Variants in DLG1 observed in about 807,000 individuals in gnomAD.
The protein encoded by DLG1 is discs large MAGUK scaffold protein 1, also known as disks large homolog 1.
Under a neutral mutation model 123.4 loss-of-function variants are expected in DLG1, and 42 were observed. That is an observed-to-expected ratio of 0.34 (90% confidence interval 0.27 to 0.44). DLG1 has a LOEUF of 0.44. Among genes scored for constraint, DLG1 ranks in the 20% least tolerant of loss-of-function variants. DLG1 has a pLI of 1.00. For missense variants in DLG1, 942 were observed against 1,082.6 expected (o/e 0.87, Z 1.82); for synonymous variants, 317 against 356.2 (o/e 0.89, Z 1.24).
chr3:197,126,029 T>C lies in DLG1; in HGVS notation c.1165+4498A>G, dbSNP rs186346638. Among the ~76,000 whole-genome samples, 140 of 152,314 alleles carry C rather than the reference T, an allele frequency of 9.2e-4. 1 individual carries two copies. Among genetic ancestry groups the C allele is most frequent in the African/African-American group, 3.0e-3 (126 of 41,576 alleles). On this transcript the variant is annotated intron_variant, in intron 11 of 24. Coordinates refer to ENST00000667157, the MANE Select transcript of DLG1 (RefSeq NM_001366207.1). ...AAAACACAAACAGATTGTTTATGAA[T>C]TGCATATGCAGAAGTGTACAACGAA...
chr3:197,138,458 C>T (rs528759745), intron 8 of DLG1, 67 bp from the exon 9 acceptor site: 8 of 893,238 alleles, frequency 9.0e-6, no homozygotes, highest in Non-Finnish European at 1.0e-5. Context: ...TTCCACTTTA[C>T]CAATTTTTTG....
intron 4 of DLG1, among the ~76,000 whole-genome samples, chr3:197,261,672 T>A (rs1185813276): frequency 6.6e-6 from 1 of 152,196 alleles, no homozygotes; most frequent in Non-Finnish European, 1.5e-5. Flanking sequence ...AAACCACATT[T>A]CACTGTTAAG....
chr3:197,135,358 TAGTG>T (rs1239516790), intron 10 of DLG1, among the ~76,000 whole-genome samples: 2 of 152,142 alleles, frequency 1.3e-5, no homozygotes, highest in Admixed American at 6.6e-5. Flanking sequence ...GTTCTCTTGA[TAGTG>T]AGTGAGTCTC....
intron 17 of DLG1, among the ~76,000 whole-genome samples, chr3:197,076,944 A>C (rs965069926): frequency 1.3e-5 from 2 of 152,214 alleles, no homozygotes; most frequent in African/African-American, 4.8e-5. Context: ...AAAAAAAGGC[A>C]AATCAGTTAC....
chr3:197,212,331 G>GGCCCTAATTGTGGCTGGAA (rs1731676103), intron 4 of DLG1, among the ~76,000 whole-genome samples: 1 of 116,196 alleles, frequency 8.6e-6, no homozygotes, highest in Non-Finnish European at 2.1e-5. Flanking sequence ...TTATGCTGGA[G>GGCCCTAATTGTGGCTGGAA]GCCCTAATTG....
At position 197,289,337 on chromosome 3, in the gene DLG1, C is replaced by T. The variant is rs1022649985; in HGVS notation, c.152-6492G>A. ...AGGTGGGGGGTGGCGTGTATACACG[C>T]GCATACACACACACACACACACACA... On this transcript the variant is annotated intron_variant, in intron 3 of 24. Transcript: ENST00000667157. Among the ~76,000 whole-genome samples the T allele has an allele frequency of 7.9e-5, 9 of 114,046 alleles. No individual in the cohort carries two copies. The South Asian group carries it at 1.2e-3, about 16-fold the overall frequency. The allele number at this position is 114,046 out of a possible 152,430, so 74.8% of individuals were successfully genotyped here.
chr3:197,204,501 T>G (rs149503073), intron 4 of DLG1, among the ~76,000 whole-genome samples: 5 of 152,190 alleles, frequency 3.3e-5, no homozygotes, highest in Non-Finnish European at 7.3e-5. Flanking sequence ...AAATTAGCTA[T>G]TATATACATT....
At chr3:197,126,732 C>T (rs1779332996) in intron 11 of DLG1, among the ~76,000 whole-genome samples, 1 of 152,124 alleles carries the variant, frequency 6.6e-6, no homozygotes, top group Non-Finnish European at 1.5e-5. Flanking sequence ...CCCTGTACAT[C>T]AGACAGGTTA....
chr3:197,100,408 A>C (rs932730969), intron 14 of DLG1, among the ~76,000 whole-genome samples: 2 of 152,216 alleles, frequency 1.3e-5, no homozygotes, highest in Non-Finnish European at 2.9e-5. Flanking sequence ...TTATGCCACC[A>C]AACAGTTTTT....
intron 4 of DLG1, among the ~76,000 whole-genome samples, chr3:197,271,730 T>G (rs1330400067): frequency 6.6e-6 from 1 of 152,238 alleles, no homozygotes; most frequent in Non-Finnish European, 1.5e-5. Flanking sequence ...TCAGATGTGG[T>G]AATGGTACTA....
At position 197,288,902 on chromosome 3, in the gene DLG1, C is replaced by T. The variant is rs148868053; in HGVS notation, c.152-6057G>A. ...CAAATACAACTGCAGTATATCTCCC[C>T]TGCAAAAAAGGGCAACTCTGTCTAC... On this transcript the variant is annotated intron_variant, in intron 3 of 24. Coordinates refer to ENST00000667157, the MANE Select transcript of DLG1 (RefSeq NM_001366207.1). Among the ~76,000 whole-genome samples, 149 of 152,076 alleles carry T rather than the reference C, an allele frequency of 9.8e-4. No individual in the cohort carries two copies. In the East Asian group the frequency reaches 0.022, roughly 23 times the overall value.
At chr3:197,075,031 TAA>T (rs1250596127) in intron 18 of DLG1, among the ~76,000 whole-genome samples, 1 of 152,042 alleles carries the variant, frequency 6.6e-6, no homozygotes, top group Non-Finnish European at 1.5e-5. Context: ...CACTGTCACC[TAA>T]AGTTACTCAG....
At chr3:197,065,629 G>A (rs1738984367) in intron 21 of DLG1, 79 bp downstream of exon 21, 1 of 1,104,354 alleles carries the variant, frequency 9.1e-7, no homozygotes, top group Non-Finnish European at 1.3e-6. Flanking sequence ...ATTAAAAAAT[G>A]GTTATATCTA....
intron 6 of DLG1, among the ~76,000 whole-genome samples, chr3:197,146,539 TAA>T (rs904694997): frequency 3.3e-5 from 5 of 151,794 alleles, no homozygotes; most frequent in African/African-American, 1.2e-4. Flanking sequence ...AACAAAAACA[TAA>T]AGTGGGGAAA....
At chr3:197,272,971 T>C (rs1347502016) in intron 4 of DLG1, among the ~76,000 whole-genome samples, 6 of 152,204 alleles carry the variant, frequency 3.9e-5, no homozygotes, top group Non-Finnish European at 7.4e-5. Context: ...TTTGATATTT[T>C]CATAGACTTG....
At chr3:197,201,105 C>T (rs1012735203) in intron 4 of DLG1, among the ~76,000 whole-genome samples, 2 of 152,164 alleles carry the variant, frequency 1.3e-5, no homozygotes, top group African/African-American at 4.8e-5. Context: ...CTCCACCGGC[C>T]GGGCGCAGTG....
intron 13 of DLG1, among the ~76,000 whole-genome samples, chr3:197,108,781 C>A (rs546033768): frequency 8.6e-5 from 13 of 151,988 alleles, no homozygotes; most frequent in South Asian, 8.3e-4. Context: ...TCTTGTAGAC[C>A]CTGTGTAGTT....
chr3:197,296,352 A>C lies in DLG1; in HGVS notation c.145T>G (p.Leu49Val), dbSNP rs1777359832. Reference protein sequence around the residue: ...NIFQSNLFQALIDIQEFYEVT... With the variant: ...NIFQSNLFQAVIDIQEFYEVT... ...ACGAAGTTTTAATTCCCACCTATTA[A>C]AGCCTGAAAGAGGTTGCTCTGAAAT... The change falls in exon 3 of 25, where the codon TTA becomes GTA. Residue 49 changes from leucine to valine, a missense_variant. Coordinates refer to ENST00000667157, the MANE Select transcript of DLG1 (RefSeq NM_001366207.1). The C allele has an allele frequency of 3.1e-6, 5 of 1,613,350 alleles. No homozygotes were observed. Among genetic ancestry groups the C allele is most frequent in the Non-Finnish European group, 4.2e-6 (5 of 1,179,426 alleles).
intron 22 of DLG1, among the ~76,000 whole-genome samples, chr3:197,060,282 G>C (rs1303028521): frequency 6.6e-6 from 1 of 152,098 alleles, no homozygotes. Context: ...GTGAAAAATA[G>C]AGCTCCCCCG....
Sources: gnomAD v4.1 joint callset for allele counts (sites outside exome capture counted in the v4.1 genomes callset) on GRCh38, gnomAD v4.1.1 for gene constraint, MANE v1.5 for transcripts, NCBI Gene and HGNC (gene_info 2026-07-23, HGNC 2026-07-21) for gene names.